Variants in CNTN2 observed in about 807,000 individuals in gnomAD.
The protein encoded by CNTN2 is contactin-2.
A neutral mutation model predicts 117.5 loss-of-function variants in CNTN2; 53 were observed. The observed-to-expected ratio is 0.45, with a 90% CI of 0.36 to 0.57. CNTN2 has a LOEUF of 0.57. Among genes scored for constraint, CNTN2 ranks in the 20% least tolerant of loss-of-function variants. The probability of loss-of-function intolerance (pLI) is 0.00; values close to 1 mark genes in which losing one functional copy is unlikely to be tolerated. For missense variants in CNTN2, 1,106 were observed against 1,404.3 expected (o/e 0.79, Z 3.39); for synonymous variants, 530 against 561.7 (o/e 0.94, Z 0.80).
intron 18 of CNTN2, 89 bp downstream of exon 18, chr1:205,070,150 C>A: frequency 1.5e-6 from 2 of 1,304,934 alleles, no homozygotes; most frequent in Non-Finnish European, 2.2e-6. Flanking sequence ...CATCTCCCAG[C>A]TCAGTTCCAT....
rs918215415 is a variant in CNTN2, at chr1:205,073,397, G to A, written c.3013+161G>A. ...AAAGTAGTCTTAGAACTGCCTCGCCGCCACCTTTCTACCCAGCCCCCAGAA... is the reference window on the plus strand; with the variant it reads ...AAAGTAGTCTTAGAACTGCCTCGCCACCACCTTTCTACCCAGCCCCCAGAA... On this transcript the variant is annotated intron_variant, in intron 22 of 22. Coordinates refer to ENST00000331830, the MANE Select transcript of CNTN2 (RefSeq NM_005076.5). The surrounding 1 kb of genome is among the most constrained non-coding windows in gnomAD (Gnocchi z 6.3). 8 of 908,220 alleles carry A rather than the reference G, an allele frequency of 8.8e-6. No homozygotes were observed. The highest frequency in any genetic ancestry group is 5.0e-5 in the African/African-American group (3 of 59,658). 56.3% of individuals were successfully genotyped at this position (908,220 alleles called of 1,614,324 possible). A position where few individuals can be genotyped will look rare whatever the true frequency, so the allele number is the denominator to read the frequency against.
At position 205,065,195 on chromosome 1, in the gene CNTN2, C is replaced by T; in HGVS notation, c.1628C>T (p.Thr543Ile). Reference sequence around the variant, plus strand: ...GACCCCACCATGGACCTCACCTTCACCTGGACCCTGGACGACTTCCCCATC... The same window carrying T: ...GACCCCACCATGGACCTCACCTTCATCTGGACCCTGGACGACTTCCCCATC... ...SHDPTMDLTF[T>I]WTLDDFPIDF... The change falls in exon 13 of 23, where the codon ACC becomes ATC. Residue 543 changes from threonine to isoleucine, a missense_variant. Physicochemically the swap from Thr to Ile is moderately conservative, Grantham distance 89. Transcript: ENST00000331830. The surrounding 1 kb of genome is among the most constrained non-coding windows in gnomAD (Gnocchi z 4.1). The T allele has an allele frequency of 1.2e-6, 2 of 1,614,182 alleles. No individual in the cohort carries two copies. The highest frequency in any genetic ancestry group is 1.6e-4 in the Middle Eastern group (1 of 6,062).
chr1:205,061,950 G>A lies in CNTN2; in HGVS notation c.1059G>A (p.Lys353=), dbSNP rs1017133812. The change falls in exon 9 of 23, where the codon AAG becomes AAA. Residue 353 remains lysine (K), a synonymous_variant. Transcript: ENST00000331830. This position sits in a 1 kb window ranked among gnomAD's most constrained non-coding sequence, Gnocchi z 4.8. ...GTTGGGGCTGTGCAGCCGCCGGCAA[G>A]CCCCGGCCTACAGTGCGCTGGCTGC... ...NLRWGCAAAG[K]PRPTVRWLRN... 18 of 1,611,264 alleles carry A rather than the reference G, an allele frequency of 1.1e-5. No individual in the cohort carries two copies. The highest frequency in any genetic ancestry group is 1.5e-5 in the Non-Finnish European group (18 of 1,178,888).
rs113109398 is a variant in CNTN2, at chr1:205,065,758, A to G, written c.1696-31A>G. The G allele has an allele frequency of 1.8e-4, 152 of 833,070 alleles. 1 individual carries two copies. The highest frequency in any genetic ancestry group is 1.1e-3 in the Middle Eastern group (4 of 3,484). The allele number at this position is 833,070 out of a possible 1,614,324, so 51.6% of individuals were successfully genotyped here. On this transcript the variant is annotated intron_variant, in intron 13 of 22. Transcript: ENST00000331830. This position sits in a 1 kb window ranked among gnomAD's most constrained non-coding sequence, Gnocchi z 4.1. ...TGCACTGGTCAGGGCCGGTGGTCTGACCTGCTGCCCCTAACTGTCCCCGTG... is the reference window on the plus strand; with the variant it reads ...TGCACTGGTCAGGGCCGGTGGTCTGGCCTGCTGCCCCTAACTGTCCCCGTG...
chr1:205,073,854 T>A lies in CNTN2; in HGVS notation c.*89T>A. ...TCCTGCTGCCAAGGTGGCCTGACAC[T>A]GTGCCAGAGAGTGGCTGGTTTTAAA... On this transcript the variant is annotated 3_prime_UTR_variant, in exon 23 of 23. Coordinates refer to ENST00000331830, the MANE Select transcript of CNTN2 (RefSeq NM_005076.5). The surrounding 1 kb of genome is among the most constrained non-coding windows in gnomAD (Gnocchi z 6.3). 9.4e-7 allele frequency: 1 copy of A among 1,069,254 alleles called. No homozygotes were observed. Among genetic ancestry groups the A allele is most frequent in the Admixed American group, 1.9e-5 (1 of 51,736 alleles). The allele number at this position is 1,069,254 out of a possible 1,614,324, so 66.2% of individuals were successfully genotyped here. A position where few individuals can be genotyped will look rare whatever the true frequency, so the allele number is the denominator to read the frequency against.
rs757178602 is a variant in CNTN2, at chr1:205,072,488, C to T, written c.2737C>T (p.Arg913Trp). The T allele has an allele frequency of 8.1e-6, 13 of 1,613,844 alleles. No homozygotes were observed. The highest frequency in any genetic ancestry group is 6.7e-5 in the East Asian group (3 of 44,882). Residue 913 changes from arginine (R) to tryptophan (W), a missense_variant, in exon 21 of 23, where the codon CGG (arginine) becomes TGG (tryptophan). Arg to Trp is a moderately radical substitution (Grantham distance 101). Coordinates refer to ENST00000331830, the MANE Select transcript of CNTN2 (RefSeq NM_005076.5). ...CAATTCTTCCTCTCTGGCAGCTCCG[C>T]GGCGACCTCCTGGCAACATCTCCTG... is the stretch of plus-strand genomic sequence containing the variant. ...ANATTMKPPP[R>W]RPPGNISWTF...
chr1:205,072,333 A>G, intron 20 of CNTN2, 150 bp from the exon 21 acceptor site: 1 of 831,156 alleles, frequency 1.2e-6, no homozygotes, highest in East Asian at 2.7e-5. Context: ...CAACCTTTGG[A>G]TTTTCATGGG....
In CNTN2 at chr1:205,074,617, C is replaced by T. The variant is rs1017080505; in HGVS notation, c.*852C>T. The T allele has an allele frequency of 5.0e-6, 2 of 399,026 alleles. No individual in the cohort carries two copies. Among genetic ancestry groups the T allele is most frequent in the Non-Finnish European group, 8.8e-6 (2 of 226,108 alleles). The allele number at this position is 399,026 out of a possible 1,614,324, so 24.7% of individuals were successfully genotyped here. ...TGTCTTGGTGGGGTCTCCCACCCCT[C>T]CAAGACCCATTCTGCACAGTCCCTC... On this transcript the variant is annotated 3_prime_UTR_variant, in exon 23 of 23. Coordinates refer to ENST00000331830, the MANE Select transcript of CNTN2 (RefSeq NM_005076.5).
In CNTN2 at chr1:205,052,624, A is replaced by G. The variant is rs1451802353; in HGVS notation, c.-86-476A>G. On this transcript the variant is annotated intron_variant, in intron 1 of 22. Coordinates refer to ENST00000331830, the MANE Select transcript of CNTN2 (RefSeq NM_005076.5). ...AAAACAAGACTGGGAGACTTAAGGC[A>G]GCTCCCAGAGGGGCTTACTAGCCCC... Among the ~76,000 whole-genome samples, 9 of 152,286 alleles carry G rather than the reference A, an allele frequency of 5.9e-5. No individual in the cohort carries two copies. In the East Asian group the frequency reaches 1.2e-3, roughly 20 times the overall value.
In CNTN2 at chr1:205,059,418, C is replaced by A. The variant is rs752152157; in HGVS notation, c.697+125C>A. On this transcript the variant is annotated intron_variant, in intron 6 of 22. Transcript: ENST00000331830. The surrounding 1 kb of genome is among the most constrained non-coding windows in gnomAD (Gnocchi z 5.6). ...GGGCACTGATTCCAGGCCCTGGACC[C>A]CCAGATCCTCCTGCTTCAAATCCTG... The A allele has an allele frequency of 1.7e-6, 2 of 1,156,160 alleles. No homozygotes were observed. Among genetic ancestry groups the A allele is most frequent in the Non-Finnish European group, 2.5e-6 (2 of 798,840 alleles). 71.6% of individuals were successfully genotyped at this position (1,156,160 alleles called of 1,614,324 possible).
chr1:205,057,870 G>T (rs1653730249), intron 2 of CNTN2, 51 bp from the exon 3 acceptor site: 3 of 1,592,270 alleles, frequency 1.9e-6, no homozygotes, highest in South Asian at 2.3e-5. Context: ...AAGAGGCCAG[G>T]CTCCAGCCAG....
Position 205,069,996 on chromosome 1 carries a change from G to T in CNTN2, c.2366G>T (p.Arg789Leu), listed in dbSNP as rs375728294. The change falls in exon 18 of 23, where the codon CGC (arginine) becomes CTC (leucine). Residue 789 changes from arginine to leucine, a missense_variant. Physicochemically the swap from Arg to Leu is moderately radical, Grantham distance 102. Transcript: ENST00000331830. ...TACACGCCCTTTGAGGTCAAGATCC[G>T]CAGCTACAACCGCCGCGGGGATGGG... ...RPYTPFEVKI[R>L]SYNRRGDGPE... 6.2e-7 allele frequency: 1 copy of T among 1,613,618 alleles called. No individual in the cohort carries two copies. The highest frequency in any genetic ancestry group is 8.5e-7 in the Non-Finnish European group (1 of 1,180,032).
In CNTN2 at chr1:205,059,885, A is replaced by G. The variant is rs1653883554; in HGVS notation, c.797+203A>G. Reference sequence around the variant, plus strand: ...GCATCGCATATGCCAGGGGCCTTCCATGGCCAGGATCACTTGGTCTTCCAG... The same window carrying G: ...GCATCGCATATGCCAGGGGCCTTCCGTGGCCAGGATCACTTGGTCTTCCAG... On this transcript the variant is annotated intron_variant, in intron 7 of 22. Transcript: ENST00000331830. This position sits in a 1 kb window ranked among gnomAD's most constrained non-coding sequence, Gnocchi z 5.6. 23 of 576,558 alleles carry G rather than the reference A, an allele frequency of 4.0e-5. 1 individual carries two copies. In the South Asian group the frequency reaches 4.6e-4, roughly 12 times the overall value. 35.7% of individuals were successfully genotyped at this position (576,558 alleles called of 1,614,324 possible). A position where few individuals can be genotyped will look rare whatever the true frequency, so the allele number is the denominator to read the frequency against.
chr1:205,046,589 C>T (rs12724651), intron 1 of CNTN2, among the ~76,000 whole-genome samples: 53,840 of 152,068 alleles, frequency 0.35, 11,814 homozygotes, highest in Non-Finnish European at 0.5. Context: ...ACCTCACCCC[C>T]ACCAGGCTTA....
intron 2 of CNTN2, among the ~76,000 whole-genome samples, chr1:205,054,400 G>A (rs1335022172): frequency 2.0e-5 from 3 of 152,164 alleles, no homozygotes; most frequent in Admixed American, 1.3e-4. Context: ...AGTGTGGGGC[G>A]AGCCATCCAG....
At chr1:205,053,734 C>A (rs2096456661) in intron 2 of CNTN2, among the ~76,000 whole-genome samples, 1 of 152,268 alleles carries the variant, frequency 6.6e-6, no homozygotes, top group Admixed American at 6.5e-5. Context: ...TCCATCATTG[C>A]AGGACATTCT....
At chr1:205,047,771 C>T (rs567881254) in intron 1 of CNTN2, among the ~76,000 whole-genome samples, 57 of 152,252 alleles carry the variant, frequency 3.7e-4, no homozygotes, top group African/African-American at 1.1e-3. Context: ...TGCGGACACA[C>T]GGCTGTGAGA....
At position 205,073,225 on chromosome 1, in the gene CNTN2, TGAGG is replaced by T; in HGVS notation, c.3003_3006del (p.Arg1002MetfsTer6). On this transcript the variant is annotated frameshift_variant, in exon 22 of 23. Coordinates refer to ENST00000331830, the MANE Select transcript of CNTN2 (RefSeq NM_005076.5). LOFTEE classifies it low-confidence loss of function (END_TRUNC). This position sits in a 1 kb window ranked among gnomAD's most constrained non-coding sequence, Gnocchi z 6.3. ...GGGATCCCTGCAGAAGTCCACATCG[TGAGG>T]AATGGAGGTGCTGCTCCTCCCCTAC... 1 of 1,613,830 alleles carries T rather than the reference TGAGG, an allele frequency of 6.2e-7. No homozygotes were observed. The highest frequency in any genetic ancestry group is 1.1e-5 in the South Asian group (1 of 91,068).
Position 205,072,115 on chromosome 1 carries a change from G to A in CNTN2, c.2713G>A (p.Ala905Thr), listed in dbSNP as rs778395637. The change falls in exon 20 of 23, where the codon GCC becomes ACC. Residue 905 changes from alanine (A) to threonine (T), a missense_variant. Coordinates refer to ENST00000331830, the MANE Select transcript of CNTN2 (RefSeq NM_005076.5). ...TGGGCCTGCCAGCCCTTCTGCCAAC[G>A]CCACGACCATGAAGCCCCGTGAGTC... ...GTGPASPSAN[A>T]TTMKPPPRRP... The A allele has an allele frequency of 1.1e-5, 17 of 1,611,260 alleles. No individual in the cohort carries two copies. The highest frequency in any genetic ancestry group is 3.3e-5 in the South Asian group (3 of 90,690).
Sources: allele counts gnomAD v4.1 joint callset (sites outside exome capture counted in the v4.1 genomes callset), GRCh38; gene constraint gnomAD v4.1.1; non-coding constraint Gnocchi (gnomAD v3.1); transcripts MANE v1.5; gene names NCBI Gene and HGNC (gene_info 2026-07-23, HGNC 2026-07-21).